Variants in GABRG2 observed in about 807,000 individuals in gnomAD.
GABRG2 encodes gamma-aminobutyric acid type A receptor subunit gamma2.
Under a neutral mutation model 56.4 loss-of-function variants are expected in GABRG2, and 16 were observed. The observed-to-expected ratio is 0.28, with a 90% CI of 0.19 to 0.43. The LOEUF is 0.43. Among genes scored for constraint, GABRG2 ranks in the 20% least tolerant of loss-of-function variants. The probability of loss-of-function intolerance (pLI) is 1.00; values close to 1 mark genes in which losing one functional copy is unlikely to be tolerated. For synonymous variants in GABRG2, 208 were observed against 205.5 expected (o/e 1.01, Z -0.10); for missense variants, 327 against 582.7 (o/e 0.56, Z 4.52).
At chr5:162,106,653 A>G (rs1008638100) in intron 6 of GABRG2, among the ~76,000 whole-genome samples, 4 of 152,136 alleles carry the variant, frequency 2.6e-5, no homozygotes, top group African/African-American at 9.7e-5. Context: ...TGGTAAATGT[A>G]TCTCCCTTTA....
intron 1 of GABRG2, among the ~76,000 whole-genome samples, chr5:162,069,360 A>G (rs1345324654): frequency 6.6e-6 from 1 of 152,214 alleles, no homozygotes; most frequent in African/African-American, 2.4e-5. Flanking sequence ...AAAACTAGCT[A>G]TAGAAAATAT....
intron 7 of GABRG2, among the ~76,000 whole-genome samples, chr5:162,146,007 G>A (rs1252874405): frequency 6.6e-6 from 1 of 151,216 alleles, no homozygotes; most frequent in Middle Eastern, 3.4e-3. Context: ...GATTTTACAA[G>A]GTATTGGTAC....
intron 6 of GABRG2, among the ~76,000 whole-genome samples, chr5:162,126,436 T>A (rs1763345429): frequency 6.6e-6 from 1 of 151,950 alleles, no homozygotes; most frequent in Non-Finnish European, 1.5e-5. Flanking sequence ...TTGACCTCTA[T>A]TGTGGGGGGA....
At chr5:162,139,992 T>G (rs1170851124) in intron 6 of GABRG2, among the ~76,000 whole-genome samples, 1 of 152,228 alleles carries the variant, frequency 6.6e-6, no homozygotes, top group East Asian at 1.9e-4. Context: ...CTTTTTACTC[T>G]TCAGTCATAG....
rs868452487 is a variant in GABRG2 at position 162,068,112 on chromosome 5, A to T, written c.107+6A>T. 10 of 1,590,752 alleles carry T rather than the reference A, an allele frequency of 6.3e-6. No individual in the cohort carries two copies. In the South Asian group the frequency reaches 9.9e-5, roughly 16 times the overall value. On this transcript the variant is annotated splice_donor_region_variant and intron_variant, in intron 1 of 9. Transcript: ENST00000639213. ...CTGCTGTCGCTCTACCCTGGGTAAG[A>T]TGTGCCCTTTTTGGCGTCGTTTTGT...
chr5:162,133,970 A>G (rs1004180210), intron 6 of GABRG2, among the ~76,000 whole-genome samples: 2 of 152,174 alleles, frequency 1.3e-5, no homozygotes, highest in African/African-American at 2.4e-5. Context: ...TACGTGCATT[A>G]TATAATGTTC....
At chr5:162,087,144 G>T (rs1760184517) in intron 1 of GABRG2, among the ~76,000 whole-genome samples, 1 of 151,944 alleles carries the variant, frequency 6.6e-6, no homozygotes, top group Admixed American at 6.6e-5. Context: ...ATAGAAAATG[G>T]ACTCTAATGA....
intron 6 of GABRG2, among the ~76,000 whole-genome samples, chr5:162,128,792 C>A (rs1763517785): frequency 6.6e-6 from 1 of 151,908 alleles, no homozygotes; most frequent in Non-Finnish European, 1.5e-5. Context: ...GTTATTATTT[C>A]AGTATCATGG....
intron 6 of GABRG2, among the ~76,000 whole-genome samples, chr5:162,114,494 A>G (rs2910224): frequency 1 from 151,908 of 152,128 alleles, 75,845 homozygotes; most frequent in Middle Eastern, 1. Flanking sequence ...CCGAGATAGC[A>G]CCATTTGCAC....
chr5:162,089,998 C>T (rs940423996), intron 1 of GABRG2, among the ~76,000 whole-genome samples: 62 of 152,168 alleles, frequency 4.1e-4, no homozygotes, highest in African/African-American at 1.4e-3. Context: ...TGTGAGCAAC[C>T]TCTCATTGAA....
chr5:162,076,474 C>T (rs1470743845), intron 1 of GABRG2, among the ~76,000 whole-genome samples: 3 of 152,038 alleles, frequency 2.0e-5, no homozygotes, highest in Admixed American at 1.3e-4. Context: ...TTTGAGAATG[C>T]CTGTGTAAAC....
chr5:162,073,283 AAG>A (rs1322771134), intron 1 of GABRG2, among the ~76,000 whole-genome samples: 11 of 151,930 alleles, frequency 7.2e-5, no homozygotes, highest in Admixed American at 2.6e-4. Flanking sequence ...TTTTTAATAT[AAG>A]AGCATATTAA....
At chr5:162,120,362 A>G (rs1762902013) in intron 6 of GABRG2, among the ~76,000 whole-genome samples, 1 of 152,072 alleles carries the variant, frequency 6.6e-6, no homozygotes, top group African/African-American at 2.4e-5. Context: ...AGGAGAATAT[A>G]ATATAATAGA....
At chr5:162,107,916 G>C (rs924672134) in intron 6 of GABRG2, among the ~76,000 whole-genome samples, 1 of 152,102 alleles carries the variant, frequency 6.6e-6, no homozygotes, top group Admixed American at 6.6e-5. Flanking sequence ...TCTGGAATGT[G>C]TCAGTAGCTT....
At chr5:162,145,432 C>T (rs1293224654) in intron 7 of GABRG2, among the ~76,000 whole-genome samples, 2 of 152,190 alleles carry the variant, frequency 1.3e-5, no homozygotes, top group Non-Finnish European at 2.9e-5. Flanking sequence ...ATTTCATCCA[C>T]CCAGGTAAGA....
rs796052502 is a variant in GABRG2 at position 162,068,036 on chromosome 5, G to A, written c.37G>A (p.Val13Ile). The A allele has an allele frequency of 1.9e-6, 3 of 1,613,196 alleles. No homozygotes were observed. In the Admixed American group the frequency reaches 5.0e-5, roughly 27 times the overall value. ...SPNIWSTGSS[V>I]YSTPVFSQKM... ...AAATATATGGAGCACAGGAAGCTCA[G>A]TCTACTCGACTCCTGTATTTTCACA... The change falls in exon 1 of 10, where the codon GTC (valine) becomes ATC (isoleucine). Residue 13 changes from valine to isoleucine, a missense_variant. Physicochemically the swap from Val to Ile is conservative, Grantham distance 29. Coordinates refer to ENST00000639213, the MANE Select transcript of GABRG2 (RefSeq NM_198904.4).
chr5:162,117,534 C>T (rs1762702968), intron 6 of GABRG2, among the ~76,000 whole-genome samples: 2 of 151,994 alleles, frequency 1.3e-5, no homozygotes, highest in African/African-American at 2.4e-5. Context: ...AAAATCTTTT[C>T]CTGTATTTAA....
In GABRG2 at chr5:162,095,583, C is replaced by A. The variant is rs56363405; in HGVS notation, c.327+21C>A. ...ATATGGTGAGTTTCCAAATAAAATT[C>A]TTTGTCTGTTTTATTAGCATGTTTG... On this transcript the variant is annotated intron_variant, in intron 3 of 9. Coordinates refer to ENST00000639213, the MANE Select transcript of GABRG2 (RefSeq NM_198904.4). The A allele has an allele frequency of 7.8e-6, 12 of 1,532,650 alleles. No individual in the cohort carries two copies. In the African/African-American group the frequency reaches 1.4e-4, roughly 17 times the overall value. 94.9% of individuals were successfully genotyped at this position (1,532,650 alleles called of 1,614,324 possible).
chr5:162,126,711 A>G (rs1398891020), intron 6 of GABRG2, among the ~76,000 whole-genome samples: 2 of 151,870 alleles, frequency 1.3e-5, no homozygotes, highest in Admixed American at 1.3e-4. Context: ...AGCCACATGA[A>G]CTGTTTGTAG....
Sources: gnomAD v4.1 joint callset for allele counts (sites outside exome capture counted in the v4.1 genomes callset) on GRCh38, gnomAD v4.1.1 for gene constraint, MANE v1.5 for transcripts, NCBI Gene and HGNC (gene_info 2026-07-23, HGNC 2026-07-21) for gene names.